PCDHB4: variants seen among roughly 807,000 people sequenced by gnomAD.
PCDHB4 encodes the protein protocadherin beta-4.
For missense variants in PCDHB4, 1,063 were observed against 1,007.0 expected (o/e 1.06, Z -0.75); for synonymous variants, 482 against 447.3 (o/e 1.08, Z -0.98).
At position 141,122,957 on chromosome 5, in the gene PCDHB4, C is replaced by G; in HGVS notation, c.959C>G (p.Ala320Gly). ...AAATCTTACCATGTAGAAATTGAGG[C>G]CACAGATGGAGGAGGCCTTTCTGGA... ...KIKSYHVEIE[A>G]TDGGGLSGKG... Residue 320 changes from alanine to glycine, a missense_variant, in exon 1 of 1, where the codon GCC becomes GGC. Physicochemically the swap from Ala to Gly is moderately conservative, Grantham distance 60. Coordinates refer to ENST00000194152, the MANE Select transcript of PCDHB4 (RefSeq NM_018938.4). The G allele has an allele frequency of 6.2e-7, 1 of 1,611,736 alleles. No individual in the cohort carries two copies. The highest frequency in any genetic ancestry group is 1.1e-5 in the South Asian group (1 of 90,626).
chr5:141,122,805 T>C lies in PCDHB4; in HGVS notation c.807T>C (p.Asp269=), dbSNP rs549614094. 1.9e-6 allele frequency: 3 copies of C among 1,614,184 alleles called. No individual in the cohort carries two copies. The highest frequency in any genetic ancestry group is 4.5e-5 in the East Asian group (2 of 44,878). Residue 269 remains aspartate (D), a synonymous_variant, in exon 1 of 1, where the codon GAT becomes GAC. Transcript: ENST00000194152. The part of the protein sequence containing the change: ...PIVRVLARDI[D]AGNFGSVSYG... Reference sequence around the variant, plus strand: ...TTAGGGTCTTAGCTAGAGATATAGATGCTGGAAACTTCGGGAGTGTTTCTT... The same window carrying C: ...TTAGGGTCTTAGCTAGAGATATAGACGCTGGAAACTTCGGGAGTGTTTCTT...
At position 141,123,176 on chromosome 5, in the gene PCDHB4, A is replaced by C; in HGVS notation, c.1178A>C (p.Lys393Thr). 6.2e-7 allele frequency: 1 copy of C among 1,614,164 alleles called. No individual in the cohort carries two copies. Among genetic ancestry groups the C allele is most frequent in the South Asian group, 1.1e-5 (1 of 91,070 alleles). ...SIPDNLPFIL[K>T]PTLKNFYTLV... ...CCAGATAATCTACCGTTTATTCTAA[A>C]ACCAACTTTGAAGAATTTTTACACC... The change falls in exon 1 of 1, where the codon AAA becomes ACA. Residue 393 changes from lysine (K) to threonine (T), a missense_variant. Lys to Thr is a moderately conservative substitution (Grantham distance 78). Coordinates refer to ENST00000194152, the MANE Select transcript of PCDHB4 (RefSeq NM_018938.4).
Position 141,124,049 on chromosome 5 carries a change from C to G in PCDHB4, c.2051C>G (p.Ser684Cys). 1 of 1,607,034 alleles carries G rather than the reference C, an allele frequency of 6.2e-7. No homozygotes were observed. The highest frequency in any genetic ancestry group is 8.5e-7 in the Non-Finnish European group (1 of 1,179,732). Residue 684 changes from serine (S) to cysteine (C), a missense_variant, in exon 1 of 1, where the codon TCT becomes TGT. Ser to Cys is a moderately radical substitution (Grantham distance 112, BLOSUM62 -1). Transcript: ENST00000194152. ...GCCCCGGCCCAGGCCCAGGCCGACT[C>G]TCTCACCGTCTACCTGGTGGTGGCG... ...EAAPAQAQAD[S>C]LTVYLVVALA...
At position 141,123,021 on chromosome 5, in the gene PCDHB4, C is replaced by A. The variant is rs1554274459; in HGVS notation, c.1023C>A (p.Asp341Glu). 6.2e-7 allele frequency: 1 copy of A among 1,613,888 alleles called. No individual in the cohort carries two copies. Among genetic ancestry groups the A allele is most frequent in the East Asian group, 2.2e-5 (1 of 44,888 alleles). The change falls in exon 1 of 1, where the codon GAC becomes GAA. Residue 341 changes from aspartate to glutamate, a missense_variant. Asp to Glu is a conservative substitution (Grantham distance 45). Coordinates refer to ENST00000194152, the MANE Select transcript of PCDHB4 (RefSeq NM_018938.4). ...TVVIEVVDVN[D>E]NPPELIISSL... ...TCATAGAGGTGGTGGATGTGAATGA[C>A]AATCCCCCAGAACTTATCATATCTT...
rs1554274557 is a variant in PCDHB4, at chr5:141,123,498, C to A, written c.1500C>A (p.Ala500=). 1.2e-6 allele frequency: 2 copies of A among 1,613,346 alleles called. No homozygotes were observed. The highest frequency in any genetic ancestry group is 1.3e-5 in the African/African-American group (1 of 75,044). Residue 500 remains alanine (A), a synonymous_variant, in exon 1 of 1, where the codon GCC becomes GCA. Coordinates refer to ENST00000194152, the MANE Select transcript of PCDHB4 (RefSeq NM_018938.4). ...CCCAGGACCCGCACCTGCCCCTCGC[C>A]TCCCTGGTCTCCATCAACGCAGACA... The part of the protein sequence containing the change: ...LPPQDPHLPL[A]SLVSINADNG...
rs202031239 is a variant in PCDHB4 at position 141,122,080 on chromosome 5, G to C, written c.82G>C (p.Glu28Gln). Residue 28 changes from glutamate (E) to glutamine (Q), a missense_variant, in exon 1 of 1, where the codon GAG becomes CAG. Glu to Gln is a conservative substitution (Grantham distance 29, BLOSUM62 2). Transcript: ENST00000194152. ...LMVFLSQVRL[E>Q]PIRYSVLEET... ...GGTGTTCTTGTCTCAGGTTCGCCTC[G>C]AGCCTATTCGTTATTCTGTGTTGGA... The C allele has an allele frequency of 5.9e-5, 95 of 1,613,982 alleles. No homozygotes were observed. Among genetic ancestry groups the C allele is most frequent in the Non-Finnish European group, 7.9e-5 (93 of 1,180,030 alleles).
Position 141,123,664 on chromosome 5 carries a change from A to C in PCDHB4, c.1666A>C (p.Asn556His). ...CGTGCTGGTGCTGGACACCAACGAC[A>C]ACTCGCCCTTCGTGCTGTACCCGCT... ...VRVLVLDTND[N>H]SPFVLYPLQN... Residue 556 changes from asparagine (N) to histidine (H), a missense_variant, in exon 1 of 1, where the codon AAC (asparagine) becomes CAC (histidine). Physicochemically the swap from Asn to His is moderately conservative, Grantham distance 68 (BLOSUM62 1). Transcript: ENST00000194152. 1 of 1,611,514 alleles carries C rather than the reference A, an allele frequency of 6.2e-7. No individual in the cohort carries two copies. Among genetic ancestry groups the C allele is most frequent in the South Asian group, 1.1e-5 (1 of 90,968 alleles).
At position 141,123,271 on chromosome 5, in the gene PCDHB4, T is replaced by C. The variant is rs368921459; in HGVS notation, c.1273T>C (p.Leu425=). 7.4e-5 allele frequency: 119 copies of C among 1,614,024 alleles called. No individual in the cohort carries two copies. Among genetic ancestry groups the C allele is most frequent in the Admixed American group, 1.0e-4 (6 of 59,998 alleles). ...CAACATCACCATCGCCGTCACTGACTTGGGGACACCCAGGCTGAAAACCCA... is the reference window on the plus strand; with the variant it reads ...CAACATCACCATCGCCGTCACTGACCTGGGGACACCCAGGCTGAAAACCCA... ...EYNITIAVTD[L]GTPRLKTQQN... The change falls in exon 1 of 1, where the codon TTG becomes CTG. Residue 425 remains leucine, a synonymous_variant. Transcript: ENST00000194152.
rs2149627347 is a variant in PCDHB4 at position 141,124,094 on chromosome 5, T to G, written c.2096T>G (p.Leu699Arg). The G allele has an allele frequency of 6.2e-7, 1 of 1,608,932 alleles. No individual in the cohort carries two copies. The highest frequency in any genetic ancestry group is 2.2e-5 in the East Asian group (1 of 44,858). ...GTGGCGTTGGCCTCGGTGTCGTCGCTCTTCCTCTTCTCGGTGCTCCTGTTC... is the reference window on the plus strand; with the variant it reads ...GTGGCGTTGGCCTCGGTGTCGTCGCGCTTCCTCTTCTCGGTGCTCCTGTTC... ...LVVALASVSSLFLFSVLLFVA... is the reference protein window; with the variant it reads ...LVVALASVSSRFLFSVLLFVA... The change falls in exon 1 of 1, where the codon CTC becomes CGC. Residue 699 changes from leucine to arginine, a missense_variant. Coordinates refer to ENST00000194152, the MANE Select transcript of PCDHB4 (RefSeq NM_018938.4).
At position 141,122,269 on chromosome 5, in the gene PCDHB4, CG is replaced by C; in HGVS notation, c.274del (p.Glu92LysfsTer30). On this transcript the variant is annotated frameshift_variant, in exon 1 of 1. Transcript: ENST00000194152. LOFTEE classifies it low-confidence loss of function (END_TRUNC). Reference protein sequence around the residue: ...GDLLLREKLDREELCGPIEPC... With the variant: ...GDLLLREKLDXEELCGPIEPC... ...TTTGCTTCTGAGGGAGAAACTAGAC[CG>C]GGAAGAGCTCTGTGGTCCTATTGAA... 1 of 1,613,978 alleles carries C rather than the reference CG, an allele frequency of 6.2e-7. No homozygotes were observed. The highest frequency in any genetic ancestry group is 8.5e-7 in the Non-Finnish European group (1 of 1,180,020).
rs1554274504 is a variant in PCDHB4, at chr5:141,123,253, AC to A, written c.1257del (p.Ile420SerfsTer11). 5.6e-6 allele frequency: 9 copies of A among 1,614,158 alleles called. No homozygotes were observed. Among genetic ancestry groups the A allele is most frequent in the South Asian group, 1.1e-5 (1 of 91,062 alleles). Reference sequence around the variant, plus strand: ...AGAGACCAGCGCTGAGTACAACATCACCATCGCCGTCACTGACTTGGGGACA... The same window carrying A: ...AGAGACCAGCGCTGAGTACAACATCACATCGCCGTCACTGACTTGGGGACA... ...DRETSAEYNI[T>X]IAVTDLGTPR... On this transcript the variant is annotated frameshift_variant, in exon 1 of 1. Coordinates refer to ENST00000194152, the MANE Select transcript of PCDHB4 (RefSeq NM_018938.4). LOFTEE classifies it low-confidence loss of function (END_TRUNC).
chr5:141,122,485 A>G lies in PCDHB4; in HGVS notation c.487A>G (p.Ser163Gly), dbSNP rs149602339. The G allele has an allele frequency of 8.9e-5, 143 of 1,614,248 alleles. 1 individual carries two copies. The Admixed American group carries it at 2.4e-3, about 27-fold the overall frequency. ...LLIAEDLDVG[S>G]NGLQKYTISP... ...AATAGCTGAGGATTTGGATGTGGGC[A>G]GCAATGGTCTTCAAAAATACACAAT... The change falls in exon 1 of 1, where the codon AGC (serine) becomes GGC (glycine). Residue 163 changes from serine (S) to glycine (G), a missense_variant. Transcript: ENST00000194152.
At position 141,124,326 on chromosome 5, in the gene PCDHB4, G is replaced by C. The variant is rs1554274776; in HGVS notation, c.2328G>C (p.Gln776His). 4.3e-6 allele frequency: 7 copies of C among 1,613,894 alleles called. No individual in the cohort carries two copies. Among genetic ancestry groups the C allele is most frequent in the Admixed American group, 1.7e-5 (1 of 59,970 alleles). ...CAATATTTCCTAATCTCTTGGTTCA[G>C]GACACCGGGAGGGAAGTTAAGGAAA... ...LKPIFPNLLV[Q>H]DTGREVKENP... The change falls in exon 1 of 1, where the codon CAG (glutamine) becomes CAC (histidine). Residue 776 changes from glutamine (Q) to histidine (H), a missense_variant. Physicochemically the swap from Gln to His is conservative, Grantham distance 24. Transcript: ENST00000194152.
rs1326261287 is a variant in PCDHB4, at chr5:141,125,093, T to G, written c.*707T>G. The G allele has an allele frequency of 2.0e-5, 3 of 152,106 alleles. No homozygotes were observed. Among genetic ancestry groups the G allele is most frequent in the Admixed American group, 2.0e-4 (3 of 15,280 alleles). 9.4% of individuals were successfully genotyped at this position (152,106 alleles called of 1,614,324 possible). On this transcript the variant is annotated 3_prime_UTR_variant, in exon 1 of 1. Coordinates refer to ENST00000194152, the MANE Select transcript of PCDHB4 (RefSeq NM_018938.4). ...GTAAAAATAACTTATTTATAAATAA[T>G]TTTTAAAGAGAAAAATCTCATATAA... is the stretch of plus-strand genomic sequence containing the variant.
In PCDHB4 at chr5:141,124,505, C is replaced by T; in HGVS notation, c.*119C>T. On this transcript the variant is annotated 3_prime_UTR_variant, in exon 1 of 1. Coordinates refer to ENST00000194152, the MANE Select transcript of PCDHB4 (RefSeq NM_018938.4). ...TTCATACCACAATTTCAAACCTACT[C>T]ATGTCCCTGATAAAGCTAAATTTGT... 1 of 884,448 alleles carries T rather than the reference C, an allele frequency of 1.1e-6. No homozygotes were observed. Among genetic ancestry groups the T allele is most frequent in the East Asian group, 2.7e-5 (1 of 36,808 alleles). 54.8% of individuals were successfully genotyped at this position (884,448 alleles called of 1,614,324 possible).
chr5:141,123,727 C>T lies in PCDHB4; in HGVS notation c.1729C>T (p.Arg577Trp), dbSNP rs1554274615. The part of the protein sequence containing the change: ...GSAPCTELVP[R>W]AAEPGYLVTK... ...CGCGCCCTGCACCGAGCTGGTGCCC[C>T]GGGCGGCCGAGCCGGGCTACCTGGT... The change falls in exon 1 of 1, where the codon CGG (arginine) becomes TGG (tryptophan). Residue 577 changes from arginine to tryptophan, a missense_variant. Physicochemically the swap from Arg to Trp is moderately radical, Grantham distance 101. Transcript: ENST00000194152. The T allele has an allele frequency of 5.0e-6, 8 of 1,610,412 alleles. No homozygotes were observed. Among genetic ancestry groups the T allele is most frequent in the South Asian group, 2.2e-5 (2 of 90,940 alleles).
chr5:141,122,609 A>G lies in PCDHB4; in HGVS notation c.611A>G (p.Gln204Arg), dbSNP rs1554274375. 1.2e-6 allele frequency: 2 copies of G among 1,614,230 alleles called. No homozygotes were observed. Among genetic ancestry groups the G allele is most frequent in the Middle Eastern group, 3.3e-4 (2 of 6,062 alleles). The change falls in exon 1 of 1, where the codon CAG becomes CGG. Residue 204 changes from glutamine to arginine, a missense_variant. Transcript: ENST00000194152. ...VQDKPLDREE[Q>R]PEFSLTLVAL... is the part of the protein sequence containing the mutation. ...GACAAACCACTGGATCGAGAGGAGCAGCCTGAGTTCAGCTTAACCCTCGTG... is the reference window on the plus strand; with the variant it reads ...GACAAACCACTGGATCGAGAGGAGCGGCCTGAGTTCAGCTTAACCCTCGTG...
In PCDHB4 at chr5:141,122,040, G is replaced by A. The variant is rs782456038; in HGVS notation, c.42G>A (p.Leu14=). Residue 14 remains leucine (L), a synonymous_variant, in exon 1 of 1, where the codon TTG becomes TTA. Coordinates refer to ENST00000194152, the MANE Select transcript of PCDHB4 (RefSeq NM_018938.4). ...GAATTCATCCAAACAGGCAAGTGTT[G>A]GCCTTTATTTTGATGGTGTTCTTGT... ...LGRIHPNRQV[L]AFILMVFLSQ... is the part of the protein sequence containing the mutation. 6.2e-7 allele frequency: 1 copy of A among 1,612,906 alleles called. No homozygotes were observed. Among genetic ancestry groups the A allele is most frequent in the South Asian group, 1.1e-5 (1 of 90,804 alleles).
chr5:141,122,821 A>C lies in PCDHB4; in HGVS notation c.823A>C (p.Ser275Arg). The C allele has an allele frequency of 6.2e-7, 1 of 1,614,026 alleles. No individual in the cohort carries two copies. The highest frequency in any genetic ancestry group is 2.2e-5 in the East Asian group (1 of 44,882). The part of the protein sequence containing the change: ...ARDIDAGNFG[S>R]VSYGLFQASD... ...AGATATAGATGCTGGAAACTTCGGG[A>C]GTGTTTCTTATGGCTTATTCCAAGC... Residue 275 changes from serine (S) to arginine (R), a missense_variant, in exon 1 of 1, where the codon AGT (serine) becomes CGT (arginine). Transcript: ENST00000194152.
Sources: gnomAD v4.1 joint callset for allele counts on GRCh38, gnomAD v4.1.1 for gene constraint, MANE v1.5 for transcripts, NCBI Gene and HGNC (gene_info 2026-07-23, HGNC 2026-07-21) for gene names.